Variants in MYH11 observed in about 807,000 individuals in gnomAD.
The protein encoded by MYH11 is myosin heavy chain 11, also known as myosin-11.
MYH11 carries 80 observed loss-of-function variants against 246.6 expected under a neutral mutation model. That is an observed-to-expected ratio of 0.32 (90% CI 0.27 to 0.39). The LOEUF (loss-of-function observed/expected upper bound fraction) is 0.39. Ranked by LOEUF, MYH11 falls within the 10% of genes least tolerant of loss-of-function variation. The pLI is 1.00. For missense variants in MYH11, 2,158 were observed against 2,546.8 expected, an observed-to-expected ratio of 0.85 and a Z score of 3.29; for synonymous variants, 1,071 against 1,015.5, an observed-to-expected ratio of 1.05 and a Z score of -1.04.
At position 15,714,959 on chromosome 16, in the gene MYH11, C is replaced by T. The variant is rs1331907008; in HGVS notation, c.5736G>A (p.Glu1912=). The T allele has an allele frequency of 3.1e-6, 5 of 1,614,128 alleles. No individual in the cohort carries two copies. The highest frequency in any genetic ancestry group is 4.2e-6 in the Non-Finnish European group (5 of 1,180,042). ...CCTCGCGGCCCATGGCCTCGTTGCT[C>T]TCCGTGGCCTCATCCAGCTCCCGCT... ...KLQRELDEAT[E]SNEAMGREVN... is the part of the protein sequence containing the mutation. The change falls in exon 40 of 41, where the codon GAG becomes GAA. Residue 1912 remains glutamate (E), a synonymous_variant. Transcript: ENST00000300036.
intron 4 of MYH11, among the ~76,000 whole-genome samples, chr16:15,795,887 T>C (rs1406838134): frequency 4.6e-5 from 7 of 152,184 alleles, no homozygotes; most frequent in Admixed American, 4.6e-4. Context: ...TACAACTAAC[T>C]AGACGATGAT....
intron 10 of MYH11, 49 bp downstream of exon 10, chr16:15,763,743 CCCCA>C: frequency 1.7e-6 from 1 of 582,096 alleles, no homozygotes; most frequent in Non-Finnish European, 3.3e-6. Flanking sequence ...ATGTCACCTC[CCCCA>C]CCCCCCCAAC....
chr16:15,775,204 A>G (rs1461525998), intron 8 of MYH11, among the ~76,000 whole-genome samples: 2 of 152,290 alleles, frequency 1.3e-5, no homozygotes, highest in East Asian at 3.9e-4. Context: ...ATAACTTCCT[A>G]CTGGAGTTTG....
intron 4 of MYH11, among the ~76,000 whole-genome samples, chr16:15,796,137 T>C (rs1490119982): frequency 6.6e-6 from 1 of 152,002 alleles, no homozygotes; most frequent in Non-Finnish European, 1.5e-5. Context: ...TGGACAGAGA[T>C]GAGAAATATT....
At chr16:15,813,880 C>T (rs1018646213) in intron 3 of MYH11, among the ~76,000 whole-genome samples, 11 of 150,932 alleles carry the variant, frequency 7.3e-5, no homozygotes, top group South Asian at 2.1e-4. Flanking sequence ...AAAGGCCGGG[C>T]GTGGTGGTTC....
chr16:15,822,226 C>A (rs1252742302), intron 3 of MYH11, among the ~76,000 whole-genome samples: 1 of 152,224 alleles, frequency 6.6e-6, no homozygotes, highest in African/African-American at 2.4e-5. Flanking sequence ...CAACTCAGAT[C>A]CCTGGGTTCC....
chr16:15,817,302 G>T (rs1194637248), intron 3 of MYH11, among the ~76,000 whole-genome samples: 2 of 152,114 alleles, frequency 1.3e-5, no homozygotes, highest in Non-Finnish European at 2.9e-5. Flanking sequence ...AACCAGCCTG[G>T]CCAACATGGC....
rs765373729 is a variant in MYH11 at position 15,724,324 on chromosome 16, A to G, written c.4202T>C (p.Ile1401Thr). The G allele has an allele frequency of 9.3e-6, 15 of 1,614,040 alleles. No individual in the cohort carries two copies. The highest frequency in any genetic ancestry group is 1.3e-5 in the Non-Finnish European group (15 of 1,180,010). Reference protein sequence around the residue: ...EEGKKRFQKEIENLTQQYEEK... With the variant: ...EEGKKRFQKETENLTQQYEEK... ...CTCGTACTGCTGGGTGAGGTTCTCG[A>G]TCTCCTTCTGGAACCTCTTCTTCCC... The change falls in exon 31 of 41, where the codon ATC becomes ACC. Residue 1401 changes from isoleucine to threonine, a missense_variant. Ile to Thr is a moderately conservative substitution (Grantham distance 89). Around this residue, in one of 11 missense-constraint regions of MYH11, gnomAD observed 1,013 missense variants for 993.5 expected, o/e 1.02. Coordinates refer to ENST00000300036, the MANE Select transcript of MYH11 (RefSeq NM_002474.3).
intron 8 of MYH11, among the ~76,000 whole-genome samples, chr16:15,775,496 T>C (rs1176580663): frequency 6.6e-6 from 1 of 152,078 alleles, no homozygotes; most frequent in Non-Finnish European, 1.5e-5. Context: ...CATTGGTTTA[T>C]ATATTGCCTG....
At chr16:15,726,821 C>G in intron 28 of MYH11, 27 bp downstream of exon 28, 1 of 1,610,284 alleles carries the variant, frequency 6.2e-7, no homozygotes, top group East Asian at 2.2e-5. Flanking sequence ...CAGCACTGCC[C>G]ACCACACCAC....
intron 40 of MYH11, chr16:15,708,810 A>G (rs1596675118): frequency 6.2e-7 from 1 of 1,608,534 alleles, no homozygotes; most frequent in East Asian, 2.2e-5. Flanking sequence ...TACCTGGTGC[A>G]TCACTGCGAA....
intron 1 of MYH11, among the ~76,000 whole-genome samples, chr16:15,846,376 T>C (rs1368573871): frequency 1.3e-5 from 2 of 152,126 alleles, no homozygotes; most frequent in Admixed American, 6.6e-5. Context: ...TCTGTGACTA[T>C]TGAACTGAGG....
chr16:15,718,172 TCTA>T, intron 37 of MYH11, 140 bp downstream of exon 37: 1 of 1,332,798 alleles, frequency 7.5e-7, no homozygotes, highest in Non-Finnish European at 1.1e-6. Context: ...GCCCTGGATC[TCTA>T]CTCTCAGGCC....
intron 28 of MYH11, chr16:15,726,615 A>C: frequency 1.7e-6 from 1 of 599,454 alleles, no homozygotes; most frequent in Non-Finnish European, 3.0e-6. Context: ...TGATCCACCC[A>C]CCTCTGTCTC....
chr16:15,855,834 T>C (rs1261594852), intron 1 of MYH11, among the ~76,000 whole-genome samples: 1 of 152,230 alleles, frequency 6.6e-6, no homozygotes, highest in Non-Finnish European at 1.5e-5. Context: ...AGTTTATTAA[T>C]AGCCTGCATT....
chr16:15,720,517 G>T (rs1451590861), intron 33 of MYH11, among the ~76,000 whole-genome samples: 2 of 151,916 alleles, frequency 1.3e-5, no homozygotes. Context: ...GAGGCCAACA[G>T]GAGAATGGAT....
chr16:15,752,287 T>A (rs968810620), intron 15 of MYH11, among the ~76,000 whole-genome samples: 3 of 151,980 alleles, frequency 2.0e-5, no homozygotes, highest in Non-Finnish European at 4.4e-5. Flanking sequence ...TTTTTTAGCA[T>A]GCTTAAAACA....
At chr16:15,833,368 A>G (rs200176673) in intron 2 of MYH11, among the ~76,000 whole-genome samples, 6 of 131,242 alleles carry the variant, frequency 4.6e-5, no homozygotes, top group Non-Finnish European at 9.9e-5. Context: ...GAAGAAAGAG[A>G]GAGGGAGGGA....
At chr16:15,810,438 A>G (rs2043112875) in intron 3 of MYH11, among the ~76,000 whole-genome samples, 1 of 152,150 alleles carries the variant, frequency 6.6e-6, no homozygotes, top group African/African-American at 2.4e-5. Flanking sequence ...AAAAACGTGA[A>G]CTTTTCATGA....
Sources: allele counts gnomAD v4.1 joint callset (sites outside exome capture counted in the v4.1 genomes callset), GRCh38; gene constraint gnomAD v4.1.1; regional missense constraint gnomAD v4.1.1; transcripts MANE v1.5; gene names NCBI Gene and HGNC (gene_info 2026-07-23, HGNC 2026-07-21).